Variants in RBFOX1 observed in about 807,000 individuals in gnomAD.
RBFOX1 encodes RNA binding fox-1 homolog 1, also known as RNA binding protein fox-1 homolog 1.
Under a neutral mutation model 57.7 loss-of-function variants are expected in RBFOX1, and 8 were observed. The observed-to-expected ratio is 0.14, with a 90% CI of 0.08 to 0.25. RBFOX1 has a LOEUF of 0.25. Among genes scored for constraint, RBFOX1 ranks in the 10% least tolerant of loss-of-function variants. The pLI, the probability that RBFOX1 is intolerant of heterozygous loss-of-function variation, is 1.00. For synonymous variants in RBFOX1, 326 were observed against 222.4 expected (o/e 1.47, Z -4.15); for missense variants, 611 against 548.5 (o/e 1.11, Z -1.14).
intron 1 of RBFOX1, among the ~76,000 whole-genome samples, chr16:5,311,072 G>GT (rs1255065674): frequency 6.6e-6 from 1 of 152,132 alleles, no homozygotes; most frequent in Non-Finnish European, 1.5e-5. Flanking sequence ...GATTCCACTT[G>GT]TAAGTGAGAA....
At position 5,587,669 on chromosome 16, in the gene RBFOX1, C is replaced by T. The variant is rs533237032; in HGVS notation, c.259-11233C>T. Reference sequence around the variant, plus strand: ...CAGAGGTTGCAGTGAGCCAAGATCGCGGCACTGTACTCCAGCCTGGGCGAC... The same window carrying T: ...CAGAGGTTGCAGTGAGCCAAGATCGTGGCACTGTACTCCAGCCTGGGCGAC... On this transcript the variant is annotated intron_variant, in intron 2 of 2. Coordinates refer to the RBFOX1 transcript ENST00000585867. Among the ~76,000 whole-genome samples the T allele has an allele frequency of 7.2e-5, 11 of 152,226 alleles. No individual in the cohort carries two copies. The East Asian group carries it at 7.8e-4, about 11-fold the overall frequency.
chr16:7,340,412 T>C (rs1277908620), intron 4 of RBFOX1, among the ~76,000 whole-genome samples: 1 of 152,222 alleles, frequency 6.6e-6, no homozygotes, highest in African/African-American at 2.4e-5. Context: ...GCTTCTCCAT[T>C]CATGATCAGA....
At chr16:5,882,105 C>G (rs985959542) in intron 4 of RBFOX1, among the ~76,000 whole-genome samples, 1 of 152,166 alleles carries the variant, frequency 6.6e-6, no homozygotes, top group South Asian at 2.1e-4. Context: ...GATTAAGTAA[C>G]AAAGTCACAT....
chr16:7,375,429 A>G (rs905694002), intron 4 of RBFOX1, among the ~76,000 whole-genome samples: 2 of 152,158 alleles, frequency 1.3e-5, no homozygotes, highest in Non-Finnish European at 2.9e-5. Flanking sequence ...AAGACAAATT[A>G]GCGGCTATGG....
chr16:5,523,779 T>G (rs1205118951), intron 2 of RBFOX1, among the ~76,000 whole-genome samples: 3 of 152,192 alleles, frequency 2.0e-5, no homozygotes, highest in African/African-American at 7.2e-5. Context: ...TAACATTTCC[T>G]CTTACTGCCT....
chr16:5,749,538 C>G (rs985569931), intron 3 of RBFOX1, among the ~76,000 whole-genome samples: 1 of 152,188 alleles, frequency 6.6e-6, no homozygotes, highest in Non-Finnish European at 1.5e-5. Flanking sequence ...CACATAGTCC[C>G]ATATTTCTTG....
At chr16:6,615,815 G>C (rs1446416790) in intron 2 of RBFOX1, among the ~76,000 whole-genome samples, 3 of 152,132 alleles carry the variant, frequency 2.0e-5, no homozygotes, top group Non-Finnish European at 2.9e-5. Flanking sequence ...TGGAGACACA[G>C]CCGCATTTCC....
chr16:7,184,527 T>C (rs775865061), intron 4 of RBFOX1, among the ~76,000 whole-genome samples: 12 of 152,348 alleles, frequency 7.9e-5, no homozygotes, highest in Admixed American at 2.6e-4. Context: ...GGTCAAAAGT[T>C]AGCCAAGTGA....
chr16:6,971,675 A>G (rs115775082), intron 3 of RBFOX1, among the ~76,000 whole-genome samples: 145 of 152,218 alleles, frequency 9.5e-4, no homozygotes, highest in African/African-American at 3.4e-3. Context: ...ATAGTCCTGG[A>G]TAGAGATGAC....
chr16:7,200,760 G>C (rs959973122), intron 4 of RBFOX1, among the ~76,000 whole-genome samples: 2 of 152,170 alleles, frequency 1.3e-5, no homozygotes, highest in Non-Finnish European at 2.9e-5. Flanking sequence ...AAAATTATTA[G>C]ACATGCATCC....
chr16:7,688,256 TGTGTGA>T (rs1334148628), intron 14 of RBFOX1, among the ~76,000 whole-genome samples: 23 of 123,342 alleles, frequency 1.9e-4, no homozygotes, highest in Admixed American at 2.5e-4. Flanking sequence ...TGTGTGTGTG[TGTGTGA>T]GAGAGAGAGA....
At chr16:7,398,938 G>C (rs1438725461) in intron 4 of RBFOX1, among the ~76,000 whole-genome samples, 1 of 152,154 alleles carries the variant, frequency 6.6e-6, no homozygotes, top group Non-Finnish European at 1.5e-5. Flanking sequence ...TATAACAATA[G>C]AAATTTACTC....
intron 1 of RBFOX1, among the ~76,000 whole-genome samples, chr16:6,215,716 G>A (rs934724620): frequency 3.3e-5 from 5 of 152,044 alleles, no homozygotes; most frequent in African/African-American, 1.2e-4. Flanking sequence ...GTGATGATCT[G>A]TGGGCACATC....
chr16:6,959,228 T>C (rs2082450284), intron 3 of RBFOX1, among the ~76,000 whole-genome samples: 1 of 152,178 alleles, frequency 6.6e-6, no homozygotes. Context: ...AGTACCTCTC[T>C]TTGCTAAGCT....
At chr16:6,696,320 AG>A (rs2061038625) in intron 3 of RBFOX1, among the ~76,000 whole-genome samples, 1 of 150,920 alleles carries the variant, frequency 6.6e-6, no homozygotes, top group South Asian at 2.1e-4. Context: ...TTTTCTTAGA[AG>A]TTTTCTTTGG....
chr16:6,886,223 A>G (rs1178900230), intron 3 of RBFOX1, among the ~76,000 whole-genome samples: 1 of 151,742 alleles, frequency 6.6e-6, no homozygotes, highest in Non-Finnish European at 1.5e-5. Context: ...TACCACGCTT[A>G]GCTAATTTTT....
intron 4 of RBFOX1, among the ~76,000 whole-genome samples, chr16:7,459,014 A>G (rs1462075767): frequency 6.6e-6 from 1 of 152,186 alleles, no homozygotes; most frequent in East Asian, 1.9e-4. Flanking sequence ...AAACCTATGA[A>G]TGGATGGGTG....
At chr16:6,739,504 C>A in intron 3 of RBFOX1, among the ~76,000 whole-genome samples, 1 of 137,072 alleles carries the variant, frequency 7.3e-6, no homozygotes, top group South Asian at 2.7e-4. Flanking sequence ...AGGGAATCTC[C>A]GGTCTAAATG....
intron 2 of RBFOX1, among the ~76,000 whole-genome samples, chr16:6,582,919 A>G (rs1187271457): frequency 6.8e-6 from 1 of 148,012 alleles, no homozygotes; most frequent in African/African-American, 2.5e-5. Context: ...ATTATTTGCA[A>G]TTTTTCTCCC....
Sources: gnomAD v4.1 joint callset for allele counts (sites outside exome capture counted in the v4.1 genomes callset) on GRCh38, gnomAD v4.1.1 for gene constraint, MANE v1.5 for transcripts, NCBI Gene and HGNC (gene_info 2026-07-23, HGNC 2026-07-21) for gene names.